The following VTCN1 variants were observed in gnomAD, a reference collection of about 807,000 sequenced individuals.
VTCN1 encodes V-set domain containing T cell activation inhibitor 1.
Under a neutral mutation model 26.5 loss-of-function variants are expected in VTCN1, and 26 were observed. The observed-to-expected ratio is 0.98, with a 90% CI of 0.72 to 1.36. The LOEUF is 1.36. Among genes scored for constraint, VTCN1 ranks in the 40% most tolerant of loss-of-function variants. The pLI is 0.00. For missense variants in VTCN1, 298 were observed against 337.7 expected (o/e 0.88, Z 0.92); for synonymous variants, 116 against 130.7 (o/e 0.89, Z 0.77).
intron 1 of VTCN1, among the ~76,000 whole-genome samples, chr1:117,177,718 C>G (rs1383289340): frequency 6.6e-6 from 1 of 151,894 alleles, no homozygotes; most frequent in East Asian, 1.9e-4. Context: ...TCTTCCAAAG[C>G]ACAGGACCCA....
intron 2 of VTCN1, among the ~76,000 whole-genome samples, chr1:117,162,555 A>G (rs1012577606): frequency 9.8e-5 from 15 of 152,292 alleles, no homozygotes; most frequent in African/African-American, 3.6e-4. Context: ...GCAGGTACCT[A>G]TTGATAGAGA....
At chr1:117,191,459 G>T (rs1648241515) in intron 1 of VTCN1, among the ~76,000 whole-genome samples, 1 of 152,124 alleles carries the variant, frequency 6.6e-6, no homozygotes, top group Non-Finnish European at 1.5e-5. Context: ...TTTGAGACCA[G>T]CCTGGGCAAC....
At chr1:117,153,461 A>G (rs923818515) in intron 3 of VTCN1, 92 bp from the exon 4 acceptor site, 10 of 1,117,428 alleles carry the variant, frequency 8.9e-6, no homozygotes, top group African/African-American at 1.7e-5. Context: ...AAATGCAGTC[A>G]TTTTTTTTTT....
At chr1:117,165,705 C>A (rs1652574593) in intron 2 of VTCN1, among the ~76,000 whole-genome samples, 1 of 152,196 alleles carries the variant, frequency 6.6e-6, no homozygotes, top group African/African-American at 2.4e-5. Context: ...GTAAAGCCTG[C>A]AGAATCGTGA....
intron 2 of VTCN1, among the ~76,000 whole-genome samples, chr1:117,162,408 C>T (rs1652411993): frequency 6.6e-6 from 1 of 152,142 alleles, no homozygotes; most frequent in Admixed American, 6.5e-5. Context: ...ATCTGGCCTC[C>T]TATGACTCTC....
chr1:117,157,072 A>G (rs1383550278), intron 2 of VTCN1, 151 bp from the exon 3 acceptor site: 2 of 1,290,500 alleles, frequency 1.5e-6, no homozygotes, highest in Middle Eastern at 4.0e-4. Flanking sequence ...GAAGAGAAAG[A>G]GCAGGAAGAC....
At chr1:117,157,177 TG>T (rs935766858) in intron 2 of VTCN1, among the ~76,000 whole-genome samples, 28 of 150,892 alleles carry the variant, frequency 1.9e-4, no homozygotes, top group Non-Finnish European at 2.5e-4. Flanking sequence ...GAGAACACAT[TG>T]GACTTGGGGT....
At position 117,169,432 on chromosome 1, in the gene VTCN1, A is replaced by G. The variant is rs182200858; in HGVS notation, c.97+675T>C. The stretch of plus-strand genomic sequence containing the variant: ...CTTCAGCTGAAGCTTCGTTGCAAAG[A>G]AATCATCTACCCAGGCCAACCGCTG... On this transcript the variant is annotated intron_variant, in intron 2 of 5. Coordinates refer to ENST00000369458, the MANE Select transcript of VTCN1 (RefSeq NM_024626.4). This position sits in a 1 kb window ranked among gnomAD's most constrained non-coding sequence, Gnocchi z 4.0. Among the ~76,000 whole-genome samples, 345 of 152,352 alleles carry G rather than the reference A, an allele frequency of 2.3e-3. No homozygotes were observed. The highest frequency in any genetic ancestry group is 0.014 in the Middle Eastern group (4 of 294).
At chr1:117,156,147 G>A (rs1652056706) in intron 3 of VTCN1, among the ~76,000 whole-genome samples, 1 of 152,174 alleles carries the variant, frequency 6.6e-6, no homozygotes, top group South Asian at 2.1e-4. Flanking sequence ...GGACAATGTT[G>A]TTTTCGTTTT....
intron 1 of VTCN1, among the ~76,000 whole-genome samples, chr1:117,180,350 T>G (rs17036915): frequency 0.055 from 8,420 of 152,216 alleles, 730 homozygotes; most frequent in African/African-American, 0.19. Context: ...CACACTATTT[T>G]TCACTGGTAC....
chr1:117,210,686 G>T lies in VTCN1; in HGVS notation c.32+138C>A, dbSNP rs1649306407. ...TCCAGTTAGGCTCTTGTCTGGCCAG[G>T]CTCCCGCTGGCCCAATGCTGGATCA... On this transcript the variant is annotated intron_variant, in intron 1 of 5. Transcript: ENST00000369458. 8 of 886,046 alleles carry T rather than the reference G, an allele frequency of 9.0e-6. No homozygotes were observed. In the South Asian group the frequency reaches 1.3e-4, roughly 14 times the overall value. The allele number at this position is 886,046 out of a possible 1,614,324, so 54.9% of individuals were successfully genotyped here. A position where few individuals can be genotyped will look rare whatever the true frequency, so the allele number is the denominator to read the frequency against.
Position 117,173,365 on chromosome 1 carries a change from A to AACACACACAC in VTCN1, c.33-3204_33-3195dup, listed in dbSNP as rs140251705. ...AAAAGGGGAAATTTGGACACAGATGAACACACACACACACACACACACACA... is the reference window on the plus strand; with the variant it reads ...AAAAGGGGAAATTTGGACACAGATGAACACACACACACACACACACACACACACACACACA... On this transcript the variant is annotated intron_variant, in intron 1 of 5. Transcript: ENST00000369458. The AACACACACAC allele has an allele frequency of 5.9e-3, 2,265 of 383,660 alleles. 48 individuals are homozygous for AACACACACAC. The highest frequency in any genetic ancestry group is 0.045 in the African/African-American group (2,091 of 46,416). 23.8% of individuals were successfully genotyped at this position (383,660 alleles called of 1,614,324 possible). A position where few individuals can be genotyped will look rare whatever the true frequency, so the allele number is the denominator to read the frequency against.
At chr1:117,150,059 A>G (rs968514769) in intron 4 of VTCN1, among the ~76,000 whole-genome samples, 4 of 152,168 alleles carry the variant, frequency 2.6e-5, no homozygotes, top group African/African-American at 7.2e-5. Flanking sequence ...CACAGCTTGG[A>G]GCTTTTTACT....
At chr1:117,164,499 T>C (rs999966852) in intron 2 of VTCN1, among the ~76,000 whole-genome samples, 9 of 151,428 alleles carry the variant, frequency 5.9e-5, no homozygotes, top group Non-Finnish European at 1.3e-4. Flanking sequence ...TAGGAGGTGC[T>C]ATATGAATGC....
intron 4 of VTCN1, among the ~76,000 whole-genome samples, chr1:117,151,496 A>G (rs1442688852): frequency 6.6e-6 from 1 of 150,500 alleles, no homozygotes; most frequent in Non-Finnish European, 1.5e-5. Context: ...TCCAGTGGCC[A>G]GCTTTTATTC....
At chr1:117,198,182 T>C (rs1648611579) in intron 1 of VTCN1, among the ~76,000 whole-genome samples, 1 of 152,204 alleles carries the variant, frequency 6.6e-6, no homozygotes, top group Non-Finnish European at 1.5e-5. Context: ...TTCCCTGAAG[T>C]ATCATGATTA....
rs912688149 is a variant in VTCN1, at chr1:117,155,818, C to G, written c.445+756G>C. Among the ~76,000 whole-genome samples the G allele has an allele frequency of 4.9e-4, 75 of 152,194 alleles. No individual in the cohort carries two copies. Among genetic ancestry groups the G allele is most frequent in the Non-Finnish European group, 7.3e-5 (5 of 68,040 alleles). On this transcript the variant is annotated intron_variant, in intron 3 of 5. Transcript: ENST00000369458. This position sits in a 1 kb window ranked among gnomAD's most constrained non-coding sequence, Gnocchi z 4.8. ...AATGCCAGCTTCTCCAGGGGGCTTTCCCATCCCTTCCCTCCTATGCATTTG... is the reference window on the plus strand; with the variant it reads ...AATGCCAGCTTCTCCAGGGGGCTTTGCCATCCCTTCCCTCCTATGCATTTG...
At chr1:117,202,532 C>T (rs1002505524) in intron 1 of VTCN1, among the ~76,000 whole-genome samples, 3 of 152,050 alleles carry the variant, frequency 2.0e-5, no homozygotes, top group Non-Finnish European at 2.9e-5. Flanking sequence ...AGGCACTGAC[C>T]GGAACAGTAT....
chr1:117,177,998 G>C (rs1647456230), intron 1 of VTCN1, among the ~76,000 whole-genome samples: 1 of 149,714 alleles, frequency 6.7e-6, no homozygotes, highest in Non-Finnish European at 1.5e-5. Context: ...GAGTGCAGTG[G>C]TGCGATGGTG....
Sources: gnomAD v4.1 joint callset for allele counts (sites outside exome capture counted in the v4.1 genomes callset) on GRCh38, gnomAD v4.1.1 for gene constraint, Gnocchi (gnomAD v3.1) non-coding constraint, MANE v1.5 for transcripts, NCBI Gene and HGNC (gene_info 2026-07-23, HGNC 2026-07-21) for gene names.